ANKFN1: variants seen among roughly 807,000 people sequenced by gnomAD.
ANKFN1 encodes the protein ankyrin repeat and fibronectin type III domain containing 1.
ANKFN1 carries 74 observed loss-of-function variants against 108.7 expected under a neutral mutation model. That is an observed-to-expected ratio of 0.68 (90% confidence interval 0.56 to 0.83). ANKFN1 has a LOEUF of 0.83. Among genes scored for constraint, ANKFN1 ranks in the 40% least tolerant of loss-of-function variants. The probability of loss-of-function intolerance (pLI) is 0.00; values close to 1 mark genes in which losing one functional copy is unlikely to be tolerated. For synonymous variants in ANKFN1, 547 were observed against 516.2 expected (o/e 1.06, Z -0.81); for missense variants, 1,505 against 1,382.3 (o/e 1.09, Z -1.41).
chr17:56,083,799 A>C (rs1905276529), intron 4 of ANKFN1, among the ~76,000 whole-genome samples: 1 of 151,474 alleles, frequency 6.6e-6, no homozygotes, highest in South Asian at 2.1e-4. Context: ...GAGAGATTAC[A>C]TAGGACCTTT....
intron 4 of ANKFN1, among the ~76,000 whole-genome samples, chr17:56,050,132 C>A (rs922928856): frequency 1.3e-5 from 2 of 151,762 alleles, no homozygotes; most frequent in African/African-American, 2.4e-5. Context: ...TTGCATTTCT[C>A]TGGTGGCCAG....
chr17:56,121,188 T>C (rs1906597118), intron 4 of ANKFN1, among the ~76,000 whole-genome samples: 1 of 152,058 alleles, frequency 6.6e-6, no homozygotes, highest in Non-Finnish European at 1.5e-5. Flanking sequence ...AAAGATCTTA[T>C]TCCAAGCAGC....
intron 3 of ANKFN1, among the ~76,000 whole-genome samples, chr17:56,258,707 G>A (rs777341277): frequency 3.9e-5 from 6 of 152,072 alleles, no homozygotes; most frequent in Admixed American, 2.0e-4. Flanking sequence ...TCAGGAGATC[G>A]AGACCATCCT....
chr17:56,371,673 T>C (rs570235147), intron 6 of ANKFN1, among the ~76,000 whole-genome samples: 1 of 152,294 alleles, frequency 6.6e-6, no homozygotes, highest in East Asian at 1.9e-4. Flanking sequence ...TTTTATCACT[T>C]AACCAGGTGG....
intron 4 of ANKFN1, among the ~76,000 whole-genome samples, chr17:56,094,463 AGTT>A (rs1905479362): frequency 2.3e-5 from 2 of 85,938 alleles, no homozygotes; most frequent in African/African-American, 8.6e-5. Flanking sequence ...CTCAGTTCTC[AGTT>A]GTTTCTTCTT....
chr17:56,414,869 A>C (rs2145014580), intron 8 of ANKFN1, among the ~76,000 whole-genome samples: 1 of 152,080 alleles, frequency 6.6e-6, no homozygotes, highest in East Asian at 1.9e-4. Context: ...ATATAGAAAA[A>C]ATTAGCTAGG....
intron 3 of ANKFN1, among the ~76,000 whole-genome samples, chr17:56,309,354 T>G (rs1005641130): frequency 1.3e-5 from 2 of 152,190 alleles, no homozygotes; most frequent in Non-Finnish European, 2.9e-5. Context: ...TTTATTATAG[T>G]CCCTTATTAT....
intron 4 of ANKFN1, among the ~76,000 whole-genome samples, chr17:56,087,670 T>C (rs934655980): frequency 6.6e-6 from 1 of 151,344 alleles, no homozygotes; most frequent in African/African-American, 2.4e-5. Flanking sequence ...GTGATGGACG[T>C]TCTGCTAGTT....
At chr17:56,215,177 CT>C (rs1915333379) in intron 2 of ANKFN1, among the ~76,000 whole-genome samples, 1 of 152,182 alleles carries the variant, frequency 6.6e-6, no homozygotes, top group Non-Finnish European at 1.5e-5. Flanking sequence ...AAGCTGTGTA[CT>C]TTAGCCCTGA....
intron 3 of ANKFN1, among the ~76,000 whole-genome samples, chr17:56,283,023 G>C (rs1448550487): frequency 6.6e-6 from 1 of 152,054 alleles, no homozygotes; most frequent in Non-Finnish European, 1.5e-5. Flanking sequence ...TTGCTACATA[G>C]GTAAAGTGCA....
intron 4 of ANKFN1, among the ~76,000 whole-genome samples, chr17:56,123,140 G>A (rs1411492874): frequency 6.6e-6 from 1 of 152,182 alleles, no homozygotes; most frequent in Non-Finnish European, 1.5e-5. Flanking sequence ...GTTAGGTAAC[G>A]TGCTCAAGGT....
chr17:56,440,064 A>G (rs1179315712), intron 8 of ANKFN1, among the ~76,000 whole-genome samples: 2 of 145,096 alleles, frequency 1.4e-5, no homozygotes, highest in Non-Finnish European at 1.5e-5. Context: ...ATGTACTACA[A>G]TATACATTAT....
In ANKFN1 at chr17:56,407,822, C is replaced by A. The variant is rs1598549135; in HGVS notation, c.911-32505C>A. ...TTAGAGATAAGTTTCAATAAAATTT[C>A]TTGATGCTTTCTTCAATAACGCCAA... On this transcript the variant is annotated intron_variant, in intron 8 of 20. Coordinates refer to ENST00000682825, the MANE Select transcript of ANKFN1 (RefSeq NM_001370326.1). 5.3e-5 allele frequency among the ~76,000 whole-genome samples: 8 copies of A among 151,760 alleles called. 3 individuals are homozygous for A. Among genetic ancestry groups the A allele is most frequent in the African/African-American group, 4.8e-5 (2 of 41,414 alleles).
intron 4 of ANKFN1, among the ~76,000 whole-genome samples, chr17:56,057,518 G>T: frequency 6.6e-6 from 1 of 152,196 alleles, no homozygotes; most frequent in East Asian, 1.9e-4. Context: ...GGGCACAGTG[G>T]CTCACGCCTG....
intron 3 of ANKFN1, among the ~76,000 whole-genome samples, chr17:56,309,537 A>G (rs187298257): frequency 3.9e-5 from 6 of 152,120 alleles, no homozygotes; most frequent in African/African-American, 1.2e-4. Context: ...TATCAATGTT[A>G]TAGATTTCTG....
intron 3 of ANKFN1, among the ~76,000 whole-genome samples, chr17:56,295,174 C>T (rs2044472916): frequency 6.6e-6 from 1 of 152,164 alleles, no homozygotes; most frequent in South Asian, 2.1e-4. Context: ...TGGGGAAACC[C>T]CATGTCATGA....
chr17:56,441,923 A>G (rs942055418), intron 9 of ANKFN1, among the ~76,000 whole-genome samples: 1 of 152,130 alleles, frequency 6.6e-6, no homozygotes, highest in Non-Finnish European at 1.5e-5. Context: ...TTAACTTCAA[A>G]CATCATTTTA....
chr17:56,247,585 A>T (rs936249803), intron 3 of ANKFN1, among the ~76,000 whole-genome samples: 1 of 152,170 alleles, frequency 6.6e-6, no homozygotes, highest in Non-Finnish European at 1.5e-5. Flanking sequence ...TACCTGATTT[A>T]ATCCTATCAA....
At chr17:56,144,185 A>AAAAAAAAAAAACTACT (rs1555600058) in intron 4 of ANKFN1, among the ~76,000 whole-genome samples, 1 of 99,232 alleles carries the variant, frequency 1.0e-5, no homozygotes, top group South Asian at 3.6e-4. Flanking sequence ...AAAAAAAAAA[A>AAAAAAAAAAAACTACT]CAGCCCAAAC....
Sources: gnomAD v4.1 joint callset for allele counts (sites outside exome capture counted in the v4.1 genomes callset) on GRCh38, gnomAD v4.1.1 for gene constraint, MANE v1.5 for transcripts, NCBI Gene and HGNC (gene_info 2026-07-23, HGNC 2026-07-21) for gene names.